FEZF2: variants seen among roughly 807,000 people sequenced by gnomAD.
FEZF2 encodes the protein fez family zinc finger protein 2.
A neutral mutation model predicts 32.8 loss-of-function variants in FEZF2; 2 were observed. The observed-to-expected ratio is 0.06, with a 90% CI of 0.02 to 0.19. The LOEUF is 0.19. Among genes scored for constraint, FEZF2 ranks in the 10% least tolerant of loss-of-function variants. FEZF2 has a pLI of 1.00. For synonymous variants in FEZF2, 322 were observed against 284.8 expected (o/e 1.13, Z -1.32); for missense variants, 516 against 625.4 (o/e 0.83, Z 1.87).
In FEZF2 at chr3:62,372,514, G is replaced by A; in HGVS notation, c.355C>T (p.Pro119Ser). Residue 119 changes from proline (P) to serine (S), a missense_variant, in exon 2 of 5, where the codon CCA becomes TCA. By Grantham distance (74) the Pro-to-Ser change is moderately conservative (BLOSUM62 -1). Transcript: ENST00000283268. This position sits in a 1 kb window ranked among gnomAD's most constrained non-coding sequence, Gnocchi z 9.6. The stretch of plus-strand genomic sequence containing the variant: ...CACAAGCCGCTGGCGCCGCACACTG[G>A]GGCCCCCCCGCCGCCGCCGCCGCCA... ...GGGGGGGGGA[P>S]VCGASGLCKT... The A allele has an allele frequency of 7.6e-7, 1 of 1,314,630 alleles. No homozygotes were observed. The highest frequency in any genetic ancestry group is 9.7e-7 in the Non-Finnish European group (1 of 1,033,980). 81.4% of individuals were successfully genotyped at this position (1,314,630 alleles called of 1,614,324 possible).
Position 62,372,138 on chromosome 3 carries a change from T to G in FEZF2, c.731A>C (p.Gln244Pro), listed in dbSNP as rs1263074491. The change falls in exon 2 of 5, where the codon CAG becomes CCG. Residue 244 changes from glutamine to proline, a missense_variant. Gln to Pro is a moderately conservative substitution (Grantham distance 76). Transcript: ENST00000283268. The surrounding 1 kb of genome is among the most constrained non-coding windows in gnomAD (Gnocchi z 9.6). ...CAGGGCCGAGTTTTCCTTCAGTACCTGCTCCAGCGGCGCCGGCAAGCGCTC... is the reference window on the plus strand; with the variant it reads ...CAGGGCCGAGTTTTCCTTCAGTACCGGCTCCAGCGGCGCCGGCAAGCGCTC... ...HKERLPAPLE[Q>P]VLKENSALTA... The G allele has an allele frequency of 6.3e-7, 1 of 1,596,650 alleles. No individual in the cohort carries two copies. Among genetic ancestry groups the G allele is most frequent in the East Asian group, 2.3e-5 (1 of 44,170 alleles).
In FEZF2 at chr3:62,372,449, G is replaced by T; in HGVS notation, c.420C>A (p.Gly140=). ...NCGVCCKAEL[G]LAPSALPAGR... is the part of the protein sequence containing the mutation. ...CCGCGGGCAGCGCGGACGGCGCCAG[G>T]CCCAGCTCGGCCTTGCAGCACACGC... The change falls in exon 2 of 5, where the codon GGC becomes GGA. Residue 140 remains glycine, a synonymous_variant. Coordinates refer to ENST00000283268, the MANE Select transcript of FEZF2 (RefSeq NM_018008.4). The surrounding 1 kb of genome is among the most constrained non-coding windows in gnomAD (Gnocchi z 9.6). The T allele has an allele frequency of 6.2e-7, 1 of 1,605,214 alleles. No homozygotes were observed.
Position 62,370,121 on chromosome 3 carries a change from G to T in FEZF2, c.1342C>A (p.Pro448Thr), listed in dbSNP as rs1194414539. The T allele has an allele frequency of 1.2e-6, 2 of 1,614,066 alleles. No homozygotes were observed. Among genetic ancestry groups the T allele is most frequent in the Non-Finnish European group, 1.7e-6 (2 of 1,180,046 alleles). The change falls in exon 5 of 5, where the codon CCC (proline) becomes ACC (threonine). Residue 448 changes from proline to threonine, a missense_variant. By Grantham distance (38) the Pro-to-Thr change is conservative. Coordinates refer to ENST00000283268, the MANE Select transcript of FEZF2 (RefSeq NM_018008.4). This position sits in a 1 kb window ranked among gnomAD's most constrained non-coding sequence, Gnocchi z 4.2. ...KLHDSVGPAA[P>T]SAKDLTRTVQ... ...GTCCTAGTCAGGTCCTTTGCGGAGG[G>T]GGCAGCAGGGCCCACGCTGTCGTGG...
rs1366697226 is a variant in FEZF2, at chr3:62,370,826, C to T, written c.1120+391G>A. Reference sequence around the variant, plus strand: ...CCGATCCAGGGGCCAAGGATCATACCGGTTTCCCCCAATCTTAGATTGTTC... The same window carrying T: ...CCGATCCAGGGGCCAAGGATCATACTGGTTTCCCCCAATCTTAGATTGTTC... On this transcript the variant is annotated intron_variant, in intron 4 of 4. Transcript: ENST00000283268. This position sits in a 1 kb window ranked among gnomAD's most constrained non-coding sequence, Gnocchi z 4.2. 6.6e-6 allele frequency among the ~76,000 whole-genome samples: 1 copy of T among 152,224 alleles called. No homozygotes were observed. The highest frequency in any genetic ancestry group is 2.4e-5 in the African/African-American group (1 of 41,466).
At position 62,369,873 on chromosome 3, in the gene FEZF2, T is replaced by A. The variant is rs1704245438; in HGVS notation, c.*210A>T. ...TACGTTTCGGCGCACTGGATTTAAA[T>A]AAGTTTCCTGAATATACAAAGGTGG... On this transcript the variant is annotated 3_prime_UTR_variant, in exon 5 of 5. Coordinates refer to ENST00000283268, the MANE Select transcript of FEZF2 (RefSeq NM_018008.4). This position sits in a 1 kb window ranked among gnomAD's most constrained non-coding sequence, Gnocchi z 4.2. 2 of 559,788 alleles carry A rather than the reference T, an allele frequency of 3.6e-6. No homozygotes were observed. Among genetic ancestry groups the A allele is most frequent in the African/African-American group, 3.7e-5 (2 of 53,400 alleles). The allele number at this position is 559,788 out of a possible 1,614,324, so 34.7% of individuals were successfully genotyped here. A position where few individuals can be genotyped will look rare whatever the true frequency, so the allele number is the denominator to read the frequency against.
Position 62,372,077 on chromosome 3 carries a change from C to G in FEZF2, c.792G>C (p.Lys264Asn). 6.2e-7 allele frequency: 1 copy of G among 1,609,166 alleles called. No individual in the cohort carries two copies. The highest frequency in any genetic ancestry group is 8.5e-7 in the Non-Finnish European group (1 of 1,178,692). Residue 264 changes from lysine to asparagine, a missense_variant, in exon 2 of 5, where the codon AAG becomes AAC. Physicochemically the swap from Lys to Asn is moderately conservative, Grantham distance 94. This residue lies in a region of FEZF2 where 408 missense variants were observed against 382.2 expected (regional missense o/e 1.07). Coordinates refer to ENST00000283268, the MANE Select transcript of FEZF2 (RefSeq NM_018008.4). The surrounding 1 kb of genome is among the most constrained non-coding windows in gnomAD (Gnocchi z 9.6). ...TGCCATCTGCGGAGCCTCCTGGCAG[C>G]TTGCTGTGGCCCTTGACGCCTCCGC... is the stretch of plus-strand genomic sequence containing the variant. ...AERGGVKGHS[K>N]LPGGSADGKP...
chr3:62,371,174 C>T, intron 4 of FEZF2, 43 bp downstream of exon 4: 1 of 1,613,896 alleles, frequency 6.2e-7, no homozygotes, highest in Non-Finnish European at 8.5e-7. Flanking sequence ...CGACCCGAGT[C>T]CTGAGGTGAG....
Position 62,372,742 on chromosome 3 carries a change from G to A in FEZF2, c.127C>T (p.Arg43Cys), listed in dbSNP as rs376825426. Residue 43 changes from arginine (R) to cysteine (C), a missense_variant, in exon 2 of 5, where the codon CGT becomes TGT. Physicochemically the swap from Arg to Cys is radical, Grantham distance 180. This residue lies in a region of FEZF2 where 408 missense variants were observed against 382.2 expected (regional missense o/e 1.07). Transcript: ENST00000283268. This position sits in a 1 kb window ranked among gnomAD's most constrained non-coding sequence, Gnocchi z 9.6. ...CCAGGCCGGGGCTCAAAGGGCGCAC[G>A]GGGCTCCGACGTCTTGGCCATGATG... ...ERIMAKTSEPRAPFEPRPGAL... is the reference protein window; with the variant it reads ...ERIMAKTSEPCAPFEPRPGAL... The A allele has an allele frequency of 6.2e-6, 10 of 1,608,312 alleles. No individual in the cohort carries two copies. The African/African-American group carries it at 1.3e-4, about 22-fold the overall frequency.
chr3:62,371,994 C>A, intron 2 of FEZF2, 23 bp downstream of exon 2: 1 of 1,595,730 alleles, frequency 6.3e-7, no homozygotes. Flanking sequence ...TCCCGGCCCC[C>A]CTCGCCGAAC....
rs1164184053 is a variant in FEZF2 at position 62,372,518 on chromosome 3, C to A, written c.351G>T (p.Gly117=). The A allele has an allele frequency of 4.6e-6, 6 of 1,298,210 alleles. No individual in the cohort carries two copies. In the East Asian group the frequency reaches 1.5e-4, roughly 33 times the overall value. The allele number at this position is 1,298,210 out of a possible 1,614,324, so 80.4% of individuals were successfully genotyped here. ...GGGGGGGGGG[G]APVCGASGLC... Reference sequence around the variant, plus strand: ...AGCCGCTGGCGCCGCACACTGGGGCCCCCCCGCCGCCGCCGCCGCCACCGC... The same window carrying A: ...AGCCGCTGGCGCCGCACACTGGGGCACCCCCGCCGCCGCCGCCGCCACCGC... Residue 117 remains glycine, a synonymous_variant, in exon 2 of 5, where the codon GGG becomes GGT. Coordinates refer to ENST00000283268, the MANE Select transcript of FEZF2 (RefSeq NM_018008.4). This position sits in a 1 kb window ranked among gnomAD's most constrained non-coding sequence, Gnocchi z 9.6.
In FEZF2 at chr3:62,370,260, G is replaced by A. The variant is rs200764057; in HGVS notation, c.1203C>T (p.Val401=). 1 of 1,614,230 alleles carries A rather than the reference G, an allele frequency of 6.2e-7. No homozygotes were observed. The highest frequency in any genetic ancestry group is 2.2e-5 in the East Asian group (1 of 44,880). The change falls in exon 5 of 5, where the codon GTC becomes GTT. Residue 401 remains valine, a synonymous_variant. Transcript: ENST00000283268. This position sits in a 1 kb window ranked among gnomAD's most constrained non-coding sequence, Gnocchi z 4.2. ...CTICNKAFHQ[V]YNLTFHMHTH... The stretch of plus-strand genomic sequence containing the variant: ...TGTGCATATGGAAGGTTAGGTTGTA[G>A]ACCTGGTGGAAGGCCTTGTTGCAGA...
In FEZF2 at chr3:62,372,022, C is replaced by T; in HGVS notation, c.847G>A (p.Gly283Ser). ...CGCCGAACCCTGGGCCTCACCTTGC[C>T]GCACACCTCGCAGGTGAAGTTTTTG... is the stretch of plus-strand genomic sequence containing the variant. ...KPKNFTCEVC[G>S]KVFNAHYNLT... The change falls in exon 2 of 5, where the codon GGC becomes AGC. Residue 283 changes from glycine to serine, a missense_variant. Transcript: ENST00000283268. This position sits in a 1 kb window ranked among gnomAD's most constrained non-coding sequence, Gnocchi z 9.6. 2 of 1,604,320 alleles carry T rather than the reference C, an allele frequency of 1.2e-6. No individual in the cohort carries two copies. The highest frequency in any genetic ancestry group is 1.7e-6 in the Non-Finnish European group (2 of 1,179,344).
At position 62,372,985 on chromosome 3, in the gene FEZF2, C is replaced by T. The variant is rs1440290421; in HGVS notation, c.-58-59G>A. 1.2e-5 allele frequency: 12 copies of T among 1,029,770 alleles called. No individual in the cohort carries two copies. The highest frequency in any genetic ancestry group is 1.4e-5 in the Non-Finnish European group (11 of 778,358). The allele number at this position is 1,029,770 out of a possible 1,614,324, so 63.8% of individuals were successfully genotyped here. A position where few individuals can be genotyped will look rare whatever the true frequency, so the allele number is the denominator to read the frequency against. On this transcript the variant is annotated intron_variant, in intron 1 of 4. Transcript: ENST00000283268. The surrounding 1 kb of genome is among the most constrained non-coding windows in gnomAD (Gnocchi z 9.6). ...AATTTAATAAGCACCTAGTCGGGCC[C>T]GGGTCACCCATTTGCATTCAAATGA...
chr3:62,371,211 C>T lies in FEZF2; in HGVS notation c.1120+6G>A, dbSNP rs1001044554. ...TGAGAAGAGAAGGCCTCGCCTGGCA[C>T]GTTACCTTTTTGGTGAAAGCCTTTG... On this transcript the variant is annotated splice_donor_region_variant and intron_variant, in intron 4 of 4. Transcript: ENST00000283268. 3.7e-6 allele frequency: 6 copies of T among 1,614,140 alleles called. No homozygotes were observed. The highest frequency in any genetic ancestry group is 3.3e-5 in the Admixed American group (2 of 60,016).
Position 62,372,832 on chromosome 3 carries a change from G to A in FEZF2, c.37C>T (p.Pro13Ser). Residue 13 changes from proline to serine, a missense_variant, in exon 2 of 5, where the codon CCG (proline) becomes TCG (serine). Physicochemically the swap from Pro to Ser is moderately conservative, Grantham distance 74. Coordinates refer to ENST00000283268, the MANE Select transcript of FEZF2 (RefSeq NM_018008.4). The surrounding 1 kb of genome is among the most constrained non-coding windows in gnomAD (Gnocchi z 9.6). ...GACGCTCCGGCGCGCGGGCAGGCCG[G>A]GGGCACCATGGTCTCCAGGGAAGCC... ...SSASLETMVP[P>S]ACPRAGASPA... 1 of 1,504,464 alleles carries A rather than the reference G, an allele frequency of 6.6e-7. No homozygotes were observed. The highest frequency in any genetic ancestry group is 8.9e-7 in the Non-Finnish European group (1 of 1,119,940). 93.2% of individuals were successfully genotyped at this position (1,504,464 alleles called of 1,614,324 possible).
In FEZF2 at chr3:62,373,272, C is replaced by T. The variant is rs1704302073; in HGVS notation, c.-59+7G>A. Reference sequence around the variant, plus strand: ...TAAAGAGGACCGGAGAGCCACCTCGCATTTACCTCTTTCCCCCACCACCAA... The same window carrying T: ...TAAAGAGGACCGGAGAGCCACCTCGTATTTACCTCTTTCCCCCACCACCAA... On this transcript the variant is annotated splice_region_variant and intron_variant, in intron 1 of 4. Transcript: ENST00000283268. This position sits in a 1 kb window ranked among gnomAD's most constrained non-coding sequence, Gnocchi z 5.5. 5.3e-6 allele frequency: 1 copy of T among 190,360 alleles called. No homozygotes were observed. The highest frequency in any genetic ancestry group is 1.1e-5 in the Non-Finnish European group (1 of 93,650). The allele number at this position is 190,360 out of a possible 1,614,324, so 11.8% of individuals were successfully genotyped here.
Position 62,372,501 on chromosome 3 carries a change from G to T in FEZF2, c.368C>A (p.Ala123Asp). 7.0e-7 allele frequency: 1 copy of T among 1,418,642 alleles called. No individual in the cohort carries two copies. Among genetic ancestry groups the T allele is most frequent in the Non-Finnish European group, 9.2e-7 (1 of 1,081,778 alleles). The allele number at this position is 1,418,642 out of a possible 1,614,324, so 87.9% of individuals were successfully genotyped here. A position where few individuals can be genotyped will look rare whatever the true frequency, so the allele number is the denominator to read the frequency against. ...GGGGGAPVCG[A>D]SGLCKTNCGV... is the part of the protein sequence containing the mutation. ...ACAGTTGGTTTTGCACAAGCCGCTG[G>T]CGCCGCACACTGGGGCCCCCCCGCC... is the stretch of plus-strand genomic sequence containing the variant. Residue 123 changes from alanine to aspartate, a missense_variant, in exon 2 of 5, where the codon GCC becomes GAC. Coordinates refer to ENST00000283268, the MANE Select transcript of FEZF2 (RefSeq NM_018008.4). This position sits in a 1 kb window ranked among gnomAD's most constrained non-coding sequence, Gnocchi z 9.6.
In FEZF2 at chr3:62,372,141, T is replaced by C; in HGVS notation, c.728A>G (p.Glu243Gly). Reference sequence around the variant, plus strand: ...GGCCGAGTTTTCCTTCAGTACCTGCTCCAGCGGCGCCGGCAAGCGCTCCTT... The same window carrying C: ...GGCCGAGTTTTCCTTCAGTACCTGCCCCAGCGGCGCCGGCAAGCGCTCCTT... ...PHKERLPAPL[E>G]QVLKENSALT... The change falls in exon 2 of 5, where the codon GAG (glutamate) becomes GGG (glycine). Residue 243 changes from glutamate (E) to glycine (G), a missense_variant. By Grantham distance (98) the Glu-to-Gly change is moderately conservative. Transcript: ENST00000283268. This position sits in a 1 kb window ranked among gnomAD's most constrained non-coding sequence, Gnocchi z 9.6. 1.3e-6 allele frequency: 2 copies of C among 1,595,676 alleles called. No homozygotes were observed. The highest frequency in any genetic ancestry group is 8.5e-7 in the Non-Finnish European group (1 of 1,171,476).
Position 62,373,283 on chromosome 3 carries a change from T to G in FEZF2, c.-63A>C. 1 of 177,178 alleles carries G rather than the reference T, an allele frequency of 5.6e-6. No homozygotes were observed. Among genetic ancestry groups the G allele is most frequent in the Non-Finnish European group, 1.2e-5 (1 of 84,838 alleles). The allele number at this position is 177,178 out of a possible 1,614,324, so 11.0% of individuals were successfully genotyped here. A position where few individuals can be genotyped will look rare whatever the true frequency, so the allele number is the denominator to read the frequency against. Reference sequence around the variant, plus strand: ...GGAGAGCCACCTCGCATTTACCTCTTTCCCCCACCACCAAGGAGATGCGTT... The same window carrying G: ...GGAGAGCCACCTCGCATTTACCTCTGTCCCCCACCACCAAGGAGATGCGTT... On this transcript the variant is annotated 5_prime_UTR_variant, in exon 1 of 5. Transcript: ENST00000283268. This position sits in a 1 kb window ranked among gnomAD's most constrained non-coding sequence, Gnocchi z 5.5.
Sources: allele counts gnomAD v4.1 joint callset (sites outside exome capture counted in the v4.1 genomes callset), GRCh38; gene constraint gnomAD v4.1.1; regional missense constraint gnomAD v4.1.1; non-coding constraint Gnocchi (gnomAD v3.1); transcripts MANE v1.5; gene names NCBI Gene and HGNC (gene_info 2026-07-23, HGNC 2026-07-21).